Variants in PIK3C2G observed in about 807,000 individuals in gnomAD.
The protein encoded by PIK3C2G is phosphatidylinositol 3-kinase C2 domain-containing subunit gamma.
PIK3C2G carries 168 observed loss-of-function variants against 181.1 expected under a neutral mutation model. The observed-to-expected ratio is 0.93, with a 90% CI of 0.82 to 1.05. The LOEUF (loss-of-function observed/expected upper bound fraction) is 1.05, where lower values mean the gene tolerates loss of function less well. Ranked by LOEUF, PIK3C2G falls within the 50% of genes least tolerant of loss-of-function variation. The probability of loss-of-function intolerance (pLI) is 0.00; values close to 1 mark genes in which losing one functional copy is unlikely to be tolerated. For synonymous variants in PIK3C2G, 573 were observed against 592.2 expected (o/e 0.97, Z 0.47); for missense variants, 1,869 against 1,732.8 (o/e 1.08, Z -1.40).
chr12:18,562,375 G>T (rs994833716), intron 26 of PIK3C2G, among the ~76,000 whole-genome samples: 4 of 152,022 alleles, frequency 2.6e-5, no homozygotes, highest in African/African-American at 9.7e-5. Flanking sequence ...CTCGTGATCC[G>T]CCCGCCTCGG....
At chr12:18,652,046 G>A (rs774723017), downstream of PIK3C2G, among the ~76,000 whole-genome samples, 45 of 152,216 alleles carry the variant, frequency 3.0e-4, no homozygotes, top group Non-Finnish European at 5.4e-4. Flanking sequence ...TTAGTTTTAC[G>A]TATAACTTTT....
intron 23 of PIK3C2G, among the ~76,000 whole-genome samples, chr12:18,504,818 C>T (rs564792917): frequency 2.0e-5 from 3 of 152,144 alleles, no homozygotes; most frequent in Admixed American, 6.5e-5. Context: ...TGTAAAAATA[C>T]ACATAAAATG....
rs149274134 is a variant in PIK3C2G at position 18,299,730 on chromosome 12, G to A, written c.1034+5715G>A. Among the ~76,000 whole-genome samples the A allele has an allele frequency of 1.4e-3, 218 of 151,826 alleles. 2 individuals carry two copies. Among genetic ancestry groups the A allele is most frequent in the African/African-American group, 4.9e-3 (202 of 41,490 alleles). On this transcript the variant is annotated intron_variant, in intron 5 of 32. Transcript: ENST00000538779. ...TATATTTATACCTAGTTTGTTGAGC[G>A]TTTTTATTATCAAGAATGTTTAGTT...
intron 18 of PIK3C2G, among the ~76,000 whole-genome samples, chr12:18,443,947 A>C (rs1248408440): frequency 1.3e-5 from 2 of 152,132 alleles, no homozygotes; most frequent in African/African-American, 4.8e-5. Flanking sequence ...CAATTCATAA[A>C]GCATTATATA....
chr12:18,529,964 C>G (rs1368333130), intron 24 of PIK3C2G, among the ~76,000 whole-genome samples: 2 of 152,112 alleles, frequency 1.3e-5, no homozygotes, highest in Non-Finnish European at 2.9e-5. Flanking sequence ...GTTCTATGCA[C>G]AGCAGCCAAG....
rs528329299 is a variant in PIK3C2G at position 18,489,984 on chromosome 12, G to C, written c.2685+1355G>C. 6.0e-4 allele frequency among the ~76,000 whole-genome samples: 91 copies of C among 152,198 alleles called. 1 individual carries two copies. The South Asian group carries it at 0.019, about 31-fold the overall frequency. ...CTCTTCACATAGGAAAATAGGAAGA[G>C]GAAAAGGAAGAGGTGGAAGAGGCAT... On this transcript the variant is annotated intron_variant, in intron 19 of 32. Coordinates refer to ENST00000538779, the MANE Select transcript of PIK3C2G (RefSeq NM_001288772.2).
intron 18 of PIK3C2G, among the ~76,000 whole-genome samples, chr12:18,459,680 A>C (rs886440787): frequency 1.3e-5 from 2 of 152,232 alleles, no homozygotes; most frequent in Non-Finnish European, 2.9e-5. Context: ...TTGAATGGAC[A>C]CTTTAATGAA....
the PIK3C2G span, among the ~76,000 whole-genome samples, chr12:18,655,176 G>A: frequency 1.3e-5 from 2 of 152,222 alleles, no homozygotes; most frequent in South Asian, 4.1e-4. Flanking sequence ...AGATCATACG[G>A]TGAAAATATT....
intron 2 of PIK3C2G, among the ~76,000 whole-genome samples, chr12:18,285,937 T>C (rs1015714030): frequency 3.3e-5 from 5 of 151,860 alleles, no homozygotes; most frequent in African/African-American, 4.8e-5. Context: ...TCAATTGTTG[T>C]CTACAAGGGA....
At position 18,346,784 on chromosome 12, in the gene PIK3C2G, C is replaced by G. The variant is rs1298101942; in HGVS notation, c.1573C>G (p.Leu525Val). 10 of 1,613,718 alleles carry G rather than the reference C, an allele frequency of 6.2e-6. No individual in the cohort carries two copies. Among genetic ancestry groups the G allele is most frequent in the Non-Finnish European group, 7.6e-6 (9 of 1,179,770 alleles). ...TCTAAATCCCGGGCTTCCTTCCCAC[C>G]TCAGCTTCACAGTGTATGCAGCACA... is the stretch of plus-strand genomic sequence containing the variant. Reference protein sequence around the residue: ...SYLNPGLPSHLSFTVYAAHNI... With the variant: ...SYLNPGLPSHVSFTVYAAHNI... Residue 525 changes from leucine (L) to valine (V), a missense_variant, in exon 11 of 33, where the codon CTC (leucine) becomes GTC (valine). Transcript: ENST00000538779.
chr12:18,617,692 C>G (rs1461440507), intron 31 of PIK3C2G, among the ~76,000 whole-genome samples: 1 of 152,118 alleles, frequency 6.6e-6, no homozygotes, highest in Non-Finnish European at 1.5e-5. Flanking sequence ...AAATGTTTGC[C>G]TGGCTCATCA....
the PIK3C2G span, among the ~76,000 whole-genome samples, chr12:18,714,346 G>C: frequency 6.6e-6 from 1 of 152,176 alleles, no homozygotes; most frequent in Non-Finnish European, 1.5e-5. Flanking sequence ...GCAATGGTTA[G>C]TGCTGTTTCT....
chr12:18,701,033 G>A, the PIK3C2G span, among the ~76,000 whole-genome samples: 2 of 151,056 alleles, frequency 1.3e-5, no homozygotes, highest in South Asian at 4.2e-4. Flanking sequence ...TGCCCAGGTT[G>A]GAGTGCAATG....
rs202200047 is a variant in PIK3C2G, at chr12:18,282,206, A to G, written c.125A>G (p.Gln42Arg). The change falls in exon 2 of 33, where the codon CAG becomes CGG. Residue 42 changes from glutamine (Q) to arginine (R), a missense_variant. Transcript: ENST00000538779. Reference sequence around the variant, plus strand: ...AGCCAAGTCAGTCTGGGTTTTGATCAGATAGTAGATGAGATCAGTGGCAAA... The same window carrying G: ...AGCCAAGTCAGTCTGGGTTTTGATCGGATAGTAGATGAGATCAGTGGCAAA... ...SSSQVSLGFD[Q>R]IVDEISGKIP... 5.0e-6 allele frequency: 8 copies of G among 1,613,350 alleles called. No homozygotes were observed. The highest frequency in any genetic ancestry group is 1.6e-4 in the Middle Eastern group (1 of 6,084).
intron 24 of PIK3C2G, among the ~76,000 whole-genome samples, chr12:18,534,886 C>A (rs1422047371): frequency 6.7e-6 from 1 of 149,082 alleles, no homozygotes; most frequent in Non-Finnish European, 1.5e-5. Context: ...CTTTGGTAAG[C>A]AAAGGTAAAA....
intron 18 of PIK3C2G, among the ~76,000 whole-genome samples, chr12:18,481,450 G>A (rs1245643646): frequency 6.6e-6 from 1 of 152,144 alleles, no homozygotes; most frequent in East Asian, 1.9e-4. Flanking sequence ...GTGCAACACT[G>A]TTGTGTAATA....
intron 17 of PIK3C2G, among the ~76,000 whole-genome samples, chr12:18,423,120 T>C (rs1945582291): frequency 6.7e-6 from 1 of 150,166 alleles, no homozygotes; most frequent in Non-Finnish European, 1.5e-5. Context: ...TGGCTTAGAC[T>C]CTGAAGCTTT....
intron 12 of PIK3C2G, among the ~76,000 whole-genome samples, chr12:18,367,092 GA>G (rs2137838473): frequency 6.6e-6 from 1 of 152,098 alleles, no homozygotes; most frequent in South Asian, 2.1e-4. Flanking sequence ...GACTTAATGG[GA>G]AAAAAAGAAC....
chr12:18,283,589 A>T (rs1949316213), intron 2 of PIK3C2G, among the ~76,000 whole-genome samples: 1 of 152,216 alleles, frequency 6.6e-6, no homozygotes, highest in African/African-American at 2.4e-5. Context: ...CAGGAATAGC[A>T]TATTGCTCAT....
Sources: gnomAD v4.1 joint callset for allele counts (sites outside exome capture counted in the v4.1 genomes callset) on GRCh38, gnomAD v4.1.1 for gene constraint, MANE v1.5 for transcripts, NCBI Gene and HGNC (gene_info 2026-07-23, HGNC 2026-07-21) for gene names.